The following ASIC2 variants were observed in gnomAD, a reference collection of about 807,000 sequenced individuals.
ASIC2 encodes the protein acid sensing ion channel subunit 2, also known as acid-sensing ion channel 2.
A neutral mutation model predicts 57.3 loss-of-function variants in ASIC2; 25 were observed. The observed-to-expected ratio is 0.44, with a 90% confidence interval of 0.32 to 0.61. The LOEUF is 0.61. ASIC2 is among the 20% of genes least tolerant of loss of function. The pLI is 0.06. For missense variants in ASIC2, 641 were observed against 738.1 expected, an observed-to-expected ratio of 0.87 and a Z score of 1.52; for synonymous variants, 319 against 307.5, an observed-to-expected ratio of 1.04 and a Z score of -0.39.
chr17:33,111,896 C>A, intron 2 of ASIC2, 21 bp downstream of exon 2: 1 of 1,600,026 alleles, frequency 6.2e-7, no homozygotes, highest in Non-Finnish European at 8.5e-7. Context: ...ACCCAATGCC[C>A]GGTCCCTGTG....
At chr17:33,648,276 T>C (rs1906808124) in intron 1 of ASIC2, among the ~76,000 whole-genome samples, 1 of 152,178 alleles carries the variant, frequency 6.6e-6, no homozygotes, top group Admixed American at 6.5e-5. Context: ...GGCAGCTCAC[T>C]TGGTCTCTCT....
At chr17:33,902,926 T>C (rs978844431) in intron 1 of ASIC2, among the ~76,000 whole-genome samples, 2 of 152,222 alleles carry the variant, frequency 1.3e-5, no homozygotes, top group African/African-American at 4.8e-5. Context: ...TCTGTCACTT[T>C]CTGCATGGAA....
At chr17:33,855,243 A>G (rs1025311129) in intron 1 of ASIC2, among the ~76,000 whole-genome samples, 1 of 152,020 alleles carries the variant, frequency 6.6e-6, no homozygotes, top group Non-Finnish European at 1.5e-5. Flanking sequence ...GAACTAGCCA[A>G]CTCCAGACTG....
At chr17:33,269,647 C>CTTCCTTCCTTCCTTCCT (rs1904377733) in intron 1 of ASIC2, among the ~76,000 whole-genome samples, 1 of 81,484 alleles carries the variant, frequency 1.2e-5, no homozygotes, top group Non-Finnish European at 2.7e-5. Flanking sequence ...TCCTTCCTTC[C>CTTCCTTCCTTCCTTCCT]TTCCTTCCTT....
chr17:33,396,537 G>C (rs140775668), intron 1 of ASIC2, among the ~76,000 whole-genome samples: 1 of 152,272 alleles, frequency 6.6e-6, no homozygotes, highest in African/African-American at 2.4e-5. Flanking sequence ...GGAAGTGGTG[G>C]TGCTGGGCTG....
At chr17:33,229,186 G>A (rs1907997042) in intron 1 of ASIC2, among the ~76,000 whole-genome samples, 1 of 152,128 alleles carries the variant, frequency 6.6e-6, no homozygotes, top group Admixed American at 6.5e-5. Flanking sequence ...GAGGAGAGCT[G>A]AGATGGAGGA....
intron 1 of ASIC2, among the ~76,000 whole-genome samples, chr17:33,160,313 C>A (rs1164247443): frequency 3.3e-5 from 5 of 152,170 alleles, no homozygotes; most frequent in Non-Finnish European, 7.3e-5. Context: ...CCACCTGGAA[C>A]CTCTCAGGGC....
intron 1 of ASIC2, among the ~76,000 whole-genome samples, chr17:33,829,556 G>T (rs1486149256): frequency 6.6e-6 from 1 of 151,788 alleles, no homozygotes; most frequent in Non-Finnish European, 1.5e-5. Flanking sequence ...TTGCTCCAAG[G>T]CAGGACATTA....
chr17:34,087,245 A>C (rs1257884520), intron 1 of ASIC2, among the ~76,000 whole-genome samples: 2 of 151,042 alleles, frequency 1.3e-5, no homozygotes, highest in Non-Finnish European at 3.0e-5. Flanking sequence ...GTGGTGACAA[A>C]ATCTCTCAGC....
At chr17:33,764,316 A>G (rs968865810) in intron 1 of ASIC2, among the ~76,000 whole-genome samples, 3 of 101,244 alleles carry the variant, frequency 3.0e-5, no homozygotes, top group African/African-American at 1.0e-4. Flanking sequence ...GACTCTGTCT[A>G]AAAAAAAAAA....
chr17:33,063,661 A>G (rs541292012), intron 3 of ASIC2, among the ~76,000 whole-genome samples: 47 of 152,012 alleles, frequency 3.1e-4, no homozygotes, highest in Admixed American at 9.8e-4. Flanking sequence ...CTTCTCAAGG[A>G]GTATCTTTGT....
intron 1 of ASIC2, among the ~76,000 whole-genome samples, chr17:33,811,835 C>T (rs957301532): frequency 6.6e-6 from 1 of 152,208 alleles, no homozygotes; most frequent in African/African-American, 2.4e-5. Flanking sequence ...AATCACAGTA[C>T]TGGCATTCCT....
At chr17:33,238,685 T>G (rs1433067698) in intron 1 of ASIC2, among the ~76,000 whole-genome samples, 1 of 152,182 alleles carries the variant, frequency 6.6e-6, no homozygotes, top group African/African-American at 2.4e-5. Flanking sequence ...CTGGAATGTT[T>G]TCCCCAACAC....
At position 33,894,705 on chromosome 17, in the gene ASIC2, T is replaced by C. The variant is rs1054812349; in HGVS notation, c.555+261273A>G. On this transcript the variant is annotated intron_variant, in intron 1 of 9. Coordinates refer to the ASIC2 transcript ENST00000359872. Reference sequence around the variant, plus strand: ...TCCATTGGTGTTTTGCAAGTGAACGTGTGAGAGAAGTGCTATGTTCAAGAC... The same window carrying C: ...TCCATTGGTGTTTTGCAAGTGAACGCGTGAGAGAAGTGCTATGTTCAAGAC... Among the ~76,000 whole-genome samples the C allele has an allele frequency of 1.0e-3, 154 of 152,222 alleles. 1 individual carries two copies. The highest frequency in any genetic ancestry group is 3.5e-3 in the African/African-American group (146 of 41,528).
intron 1 of ASIC2, among the ~76,000 whole-genome samples, chr17:33,160,037 C>T (rs879698421): frequency 1.4e-4 from 21 of 151,758 alleles, no homozygotes; most frequent in African/African-American, 4.1e-4. Flanking sequence ...GGCGAAACTT[C>T]GTCTCTGCAA....
chr17:33,079,744 C>T (rs1034498341), intron 3 of ASIC2, among the ~76,000 whole-genome samples: 1 of 152,112 alleles, frequency 6.6e-6, no homozygotes, highest in Admixed American at 6.5e-5. Context: ...CATTTGGGCA[C>T]TTACGGTATG....
intron 1 of ASIC2, among the ~76,000 whole-genome samples, chr17:33,967,827 A>G (rs571605557): frequency 1.5e-4 from 23 of 152,294 alleles, no homozygotes; most frequent in African/African-American, 5.5e-4. Context: ...AGATGTGACA[A>G]GATGTGTAGT....
chr17:34,014,225 C>T (rs1408007360), intron 1 of ASIC2, among the ~76,000 whole-genome samples: 2 of 152,180 alleles, frequency 1.3e-5, no homozygotes, highest in East Asian at 3.9e-4. Context: ...GTAAGTAATG[C>T]TTTTAATCTG....
chr17:33,367,311 C>CG (rs1567837632), intron 1 of ASIC2, among the ~76,000 whole-genome samples: 1 of 152,218 alleles, frequency 6.6e-6, no homozygotes, highest in African/African-American at 2.4e-5. Context: ...CTAAACTCCA[C>CG]GAACTCCCTT....
Sources: gnomAD v4.1 joint callset for allele counts (sites outside exome capture counted in the v4.1 genomes callset) on GRCh38, gnomAD v4.1.1 for gene constraint, MANE v1.5 for transcripts, NCBI Gene and HGNC (gene_info 2026-07-23, HGNC 2026-07-21) for gene names.